Variants in CNKSR3 observed in about 807,000 individuals in gnomAD.
CNKSR3 encodes the protein connector enhancer of kinase suppressor of ras 3.
CNKSR3 carries 36 observed loss-of-function variants against 67.7 expected under a neutral mutation model. The ratio of observed to expected loss-of-function variants is 0.53; its 90% CI spans 0.41 to 0.70. The LOEUF (loss-of-function observed/expected upper bound fraction) is 0.70. Among genes scored for constraint, CNKSR3 ranks in the 30% least tolerant of loss-of-function variants. CNKSR3 has a pLI of 0.00. For missense variants in CNKSR3, 630 were observed against 695.2 expected, an observed-to-expected ratio of 0.91 and a Z score of 1.05; for synonymous variants, 281 against 271.4, an observed-to-expected ratio of 1.04 and a Z score of -0.35.
At chr6:154,427,767 A>G (rs1220299627) in intron 7 of CNKSR3, among the ~76,000 whole-genome samples, 8 of 152,224 alleles carry the variant, frequency 5.3e-5, no homozygotes, top group Non-Finnish European at 1.0e-4. Context: ...AAAAAAAATT[A>G]TATTTTATAC....
chr6:154,441,204 T>C, intron 4 of CNKSR3, 88 bp downstream of exon 4: 3 of 947,606 alleles, frequency 3.2e-6, no homozygotes, highest in Non-Finnish European at 4.8e-6. Flanking sequence ...GAGTAGTACT[T>C]CATACCTGCA....
At chr6:154,502,542 T>C (rs1787020544) in intron 1 of CNKSR3, among the ~76,000 whole-genome samples, 2 of 152,048 alleles carry the variant, frequency 1.3e-5, no homozygotes, top group African/African-American at 2.4e-5. Flanking sequence ...ACCACCTGGA[T>C]AGAGCAGAAA....
chr6:154,475,944 TA>T (rs1191230401), intron 1 of CNKSR3, among the ~76,000 whole-genome samples: 9 of 152,230 alleles, frequency 5.9e-5, no homozygotes, highest in Non-Finnish European at 1.2e-4. Context: ...AGGGGACCTC[TA>T]GGCAAACAGT....
chr6:154,485,447 G>C (rs1423824120), intron 1 of CNKSR3, among the ~76,000 whole-genome samples: 1 of 152,144 alleles, frequency 6.6e-6, no homozygotes, highest in African/African-American at 2.4e-5. Context: ...ATAAAATATA[G>C]AAACAGTTTT....
chr6:154,446,241 A>G (rs1001428396), intron 2 of CNKSR3, among the ~76,000 whole-genome samples: 1 of 152,176 alleles, frequency 6.6e-6, no homozygotes, highest in Non-Finnish European at 1.5e-5. Context: ...GAAAGCAAAA[A>G]GTCTTAAAAT....
At chr6:154,495,796 T>G (rs1317866977) in intron 1 of CNKSR3, among the ~76,000 whole-genome samples, 1 of 152,094 alleles carries the variant, frequency 6.6e-6, no homozygotes, top group Non-Finnish European at 1.5e-5. Context: ...AGTACTCCTG[T>G]GTGGCGCCTC....
intron 1 of CNKSR3, among the ~76,000 whole-genome samples, chr6:154,506,691 C>A (rs1163320164): frequency 1.3e-5 from 2 of 152,228 alleles, no homozygotes; most frequent in Non-Finnish European, 1.5e-5. Context: ...TTTGGTTAAC[C>A]CACTGGGTTT....
At chr6:154,456,991 C>T (rs1785974091) in intron 1 of CNKSR3, among the ~76,000 whole-genome samples, 1 of 152,114 alleles carries the variant, frequency 6.6e-6, no homozygotes, top group African/African-American at 2.4e-5. Context: ...CACCTGACCA[C>T]AATATTCTCA....
intron 9 of CNKSR3, among the ~76,000 whole-genome samples, chr6:154,420,063 C>T (rs773021271): frequency 1.5e-4 from 22 of 151,710 alleles, no homozygotes; most frequent in South Asian, 4.2e-4. Flanking sequence ...GCCTGGGCAA[C>T]GAGAGTGAAA....
intron 1 of CNKSR3, among the ~76,000 whole-genome samples, chr6:154,474,586 T>C (rs1048621922): frequency 6.6e-6 from 1 of 152,130 alleles, no homozygotes; most frequent in Non-Finnish European, 1.5e-5. Flanking sequence ...GTCTAAAGAA[T>C]GTGCAAGATA....
At chr6:154,501,731 T>C (rs1285578405) in intron 1 of CNKSR3, among the ~76,000 whole-genome samples, 1 of 152,210 alleles carries the variant, frequency 6.6e-6, no homozygotes, top group Non-Finnish European at 1.5e-5. Context: ...GATTTATGCT[T>C]ATCAGTAGAA....
intron 2 of CNKSR3, among the ~76,000 whole-genome samples, chr6:154,449,448 G>A (rs567280280): frequency 4.0e-4 from 61 of 152,218 alleles, no homozygotes; most frequent in African/African-American, 1.4e-3. Flanking sequence ...TCAGCCTCCT[G>A]AATATCTGCG....
chr6:154,410,490 C>T (rs1329008844), intron 11 of CNKSR3, 58 bp from the exon 12 acceptor site: 1 of 1,178,182 alleles, frequency 8.5e-7, no homozygotes, highest in Admixed American at 1.7e-5. Context: ...CTTTAGTGAA[C>T]CGTTCCCTTT....
chr6:154,421,985 T>C (rs1785153436), intron 9 of CNKSR3, among the ~76,000 whole-genome samples: 1 of 129,506 alleles, frequency 7.7e-6, no homozygotes, highest in Non-Finnish European at 1.6e-5. Context: ...TGTCATTTCA[T>C]TCTTTTTTTT....
At chr6:154,475,027 T>G (rs1346788896) in intron 1 of CNKSR3, among the ~76,000 whole-genome samples, 1 of 152,202 alleles carries the variant, frequency 6.6e-6, no homozygotes, top group Non-Finnish European at 1.5e-5. Flanking sequence ...TGTTCATGGT[T>G]AAATCTAAGT....
At chr6:154,423,293 C>G (rs927965209) in intron 7 of CNKSR3, among the ~76,000 whole-genome samples, 2 of 152,178 alleles carry the variant, frequency 1.3e-5, no homozygotes, top group African/African-American at 4.8e-5. Flanking sequence ...AAGACGGAGT[C>G]TCACTCTGTC....
At chr6:154,496,095 T>A (rs1176547085) in intron 1 of CNKSR3, among the ~76,000 whole-genome samples, 1 of 152,200 alleles carries the variant, frequency 6.6e-6, no homozygotes, top group Admixed American at 6.5e-5. Flanking sequence ...TACATGACGT[T>A]ACCAGAATTT....
intron 2 of CNKSR3, among the ~76,000 whole-genome samples, chr6:154,443,441 C>T (rs1324638734): frequency 1.2e-5 from 1 of 86,264 alleles, no homozygotes; most frequent in Non-Finnish European, 2.2e-5. Context: ...CGCCCTGTGT[C>T]CCCTGGTGGC....
chr6:154,395,462 T>C lies in CNKSR3; in HGVS notation c.*10892A>G, dbSNP rs1194238524. ...ATTGAGTATCTCCTGCTACTTGTTA[T>C]CTTTTTGCAGTGCAGGATGTGTGGG... On this transcript the variant is annotated 3_prime_UTR_variant, in exon 13 of 13. Coordinates refer to ENST00000607772, the MANE Select transcript of CNKSR3 (RefSeq NM_173515.4). The C allele has an allele frequency of 6.6e-6, 1 of 152,248 alleles. No homozygotes were observed. Among genetic ancestry groups the C allele is most frequent in the East Asian group, 1.9e-4 (1 of 5,196 alleles). 9.4% of individuals were successfully genotyped at this position (152,248 alleles called of 1,614,324 possible).
Sources: allele counts gnomAD v4.1 joint callset (sites outside exome capture counted in the v4.1 genomes callset), GRCh38; gene constraint gnomAD v4.1.1; transcripts MANE v1.5; gene names NCBI Gene and HGNC (gene_info 2026-07-23, HGNC 2026-07-21).